Variants in PRELID2 observed in about 807,000 individuals in gnomAD.
The protein encoded by PRELID2 is PRELI domain containing 2.
Under a neutral mutation model 28.4 loss-of-function variants are expected in PRELID2, and 25 were observed. The observed-to-expected ratio is 0.88, with a 90% CI of 0.64 to 1.23. The LOEUF (loss-of-function observed/expected upper bound fraction) is 1.23. Ranked by LOEUF, PRELID2 falls within the 50% of genes most tolerant of loss-of-function variation. The pLI, the probability that PRELID2 is intolerant of heterozygous loss-of-function variation, is 0.00. For synonymous variants in PRELID2, 76 were observed against 71.6 expected, an observed-to-expected ratio of 1.06 and a Z score of -0.31; for missense variants, 201 against 214.4, an observed-to-expected ratio of 0.94 and a Z score of 0.39.
At chr5:145,601,066 G>GGAT (rs2149637865) in intron 1 of PRELID2, among the ~76,000 whole-genome samples, 1 of 152,210 alleles carries the variant, frequency 6.6e-6, no homozygotes, top group African/African-American at 2.4e-5. Context: ...TGAGGTGGGA[G>GGAT]GATCACTTTA....
At chr5:145,418,590 A>G in the PRELID2 span, among the ~76,000 whole-genome samples, 2 of 152,140 alleles carry the variant, frequency 1.3e-5, no homozygotes, top group Admixed American at 6.5e-5. Flanking sequence ...AATACTGCAC[A>G]CCTACAACCA....
At chr5:145,261,931 A>G in the PRELID2 span, among the ~76,000 whole-genome samples, 2 of 152,192 alleles carry the variant, frequency 1.3e-5, no homozygotes, top group East Asian at 3.9e-4. Context: ...ACGTAAATAA[A>G]TAAATAAATA....
the PRELID2 span, among the ~76,000 whole-genome samples, chr5:145,251,795 T>G: frequency 6.6e-6 from 1 of 152,058 alleles, no homozygotes; most frequent in Non-Finnish European, 1.5e-5. Context: ...TGAGTGATAC[T>G]TTTACCTGGT....
At chr5:145,413,611 T>TACAC in the PRELID2 span, among the ~76,000 whole-genome samples, 6,670 of 140,076 alleles carry the variant, frequency 0.048, 161 homozygotes, top group East Asian at 0.056. Flanking sequence ...ATGAAGAAAA[T>TACAC]ACACACACAC....
the PRELID2 span, among the ~76,000 whole-genome samples, chr5:145,319,354 A>G: frequency 6.8e-4 from 104 of 152,240 alleles, no homozygotes; most frequent in African/African-American, 2.5e-3. Context: ...CAAGTAATGC[A>G]TAGTTGTATG....
chr5:145,308,138 G>A, the PRELID2 span, among the ~76,000 whole-genome samples: 1 of 152,142 alleles, frequency 6.6e-6, no homozygotes, highest in Non-Finnish European at 1.5e-5. Context: ...AGGGCACCAG[G>A]TGCCTCAAGG....
At chr5:145,717,189 T>G (rs796956201) in intron 1 of PRELID2, among the ~76,000 whole-genome samples, 9 of 152,288 alleles carry the variant, frequency 5.9e-5, no homozygotes, top group African/African-American at 1.9e-4. Flanking sequence ...TTTTATTCTA[T>G]TTCTCTGAAA....
chr5:145,835,306 C>G lies in PRELID2; in HGVS notation c.-55G>C. ...CCACGCCTCCGCGAGCTCAGAGCTG[C>G]CCAGGGCTCCGCAGAGGCCCGGAGG... On this transcript the variant is annotated 5_prime_UTR_variant, in exon 1 of 7. Coordinates refer to ENST00000683046, the MANE Select transcript of PRELID2 (RefSeq NM_205846.3). The G allele has an allele frequency of 7.6e-7, 1 of 1,311,594 alleles. No individual in the cohort carries two copies. The highest frequency in any genetic ancestry group is 1.5e-5 in the African/African-American group (1 of 67,744). 81.2% of individuals were successfully genotyped at this position (1,311,594 alleles called of 1,614,324 possible).
chr5:145,612,593 C>T (rs1170505686), intron 1 of PRELID2, among the ~76,000 whole-genome samples: 1 of 152,062 alleles, frequency 6.6e-6, no homozygotes, highest in Non-Finnish European at 1.5e-5. Flanking sequence ...TATTAGTAGC[C>T]TTTTATCCCT....
chr5:145,727,086 C>G (rs568927450), intron 1 of PRELID2, among the ~76,000 whole-genome samples: 3 of 152,274 alleles, frequency 2.0e-5, no homozygotes, highest in African/African-American at 7.2e-5. Flanking sequence ...GGTGATCAAA[C>G]AAAGAAACAG....
At chr5:145,357,815 C>T in the PRELID2 span, among the ~76,000 whole-genome samples, 1 of 152,090 alleles carries the variant, frequency 6.6e-6, no homozygotes, top group Non-Finnish European at 1.5e-5. Flanking sequence ...GTTAAAAAAA[C>T]ACTCTGACTT....
At chr5:145,539,441 C>G (rs1358610669) in intron 1 of PRELID2, among the ~76,000 whole-genome samples, 1 of 151,952 alleles carries the variant, frequency 6.6e-6, no homozygotes, top group African/African-American at 2.4e-5. Flanking sequence ...ATTCTATAAG[C>G]ACTGCAGGTG....
At chr5:145,407,784 T>C in the PRELID2 span, among the ~76,000 whole-genome samples, 5 of 152,250 alleles carry the variant, frequency 3.3e-5, no homozygotes, top group South Asian at 2.1e-4. Flanking sequence ...AACAACTGGA[T>C]AACCAGACGT....
the PRELID2 span, among the ~76,000 whole-genome samples, chr5:145,246,092 G>A: frequency 2.0e-5 from 3 of 152,030 alleles, no homozygotes; most frequent in Admixed American, 6.6e-5. Flanking sequence ...ACACAAAATC[G>A]AAGTGAAGAA....
At chr5:145,651,450 G>T (rs1280306812) in intron 1 of PRELID2, among the ~76,000 whole-genome samples, 4 of 152,218 alleles carry the variant, frequency 2.6e-5, no homozygotes, top group African/African-American at 9.6e-5. Context: ...AGAACAGTCA[G>T]ACTGCCTCCT....
intron 1 of PRELID2, among the ~76,000 whole-genome samples, chr5:145,634,246 T>G (rs952877285): frequency 7.2e-5 from 11 of 152,158 alleles, no homozygotes; most frequent in Non-Finnish European, 1.0e-4. Context: ...GAGAGTTATC[T>G]TTCTAAAATA....
intron 4 of PRELID2, among the ~76,000 whole-genome samples, chr5:145,803,627 C>T (rs1244861171): frequency 1.3e-5 from 2 of 151,386 alleles, no homozygotes; most frequent in Admixed American, 1.3e-4. Flanking sequence ...ATGCGGAAAG[C>T]ACTCAAAGTA....
the PRELID2 span, among the ~76,000 whole-genome samples, chr5:145,264,188 A>G: frequency 6.6e-6 from 1 of 152,184 alleles, no homozygotes; most frequent in South Asian, 2.1e-4. Context: ...AGTAAAGGAC[A>G]TAACAAAAAA....
chr5:145,487,686 G>T (rs1354272251), intron 1 of PRELID2, among the ~76,000 whole-genome samples: 1 of 152,116 alleles, frequency 6.6e-6, no homozygotes, highest in Non-Finnish European at 1.5e-5. Flanking sequence ...CAGCTTTGAA[G>T]ATTTTTCATT....
Sources: allele counts gnomAD v4.1 joint callset (sites outside exome capture counted in the v4.1 genomes callset), GRCh38; gene constraint gnomAD v4.1.1; transcripts MANE v1.5; gene names NCBI Gene and HGNC (gene_info 2026-07-23, HGNC 2026-07-21).